The following NCK1 variants were observed in gnomAD, a reference collection of about 807,000 sequenced individuals.
The protein encoded by NCK1 is SH2/SH3 adapter protein NCK1.
NCK1 carries 19 observed loss-of-function variants against 36.6 expected under a neutral mutation model. The ratio of observed to expected loss-of-function variants is 0.52; its 90% confidence interval spans 0.36 to 0.76. NCK1 has a LOEUF of 0.76. Among genes scored for constraint, NCK1 ranks in the 30% least tolerant of loss-of-function variants. NCK1 has a pLI of 0.00. For synonymous variants in NCK1, 165 were observed against 156.0 expected (o/e 1.06, Z -0.43); for missense variants, 358 against 445.6 (o/e 0.80, Z 1.77).
intron 1 of NCK1, among the ~76,000 whole-genome samples, chr3:136,925,616 G>A (rs1470977706): frequency 5.9e-5 from 9 of 152,122 alleles, no homozygotes; most frequent in Admixed American, 5.9e-4. Flanking sequence ...GAGTCATATA[G>A]TTAACCTTTG....
intron 1 of NCK1, among the ~76,000 whole-genome samples, chr3:136,872,969 C>T (rs755356875): frequency 3.3e-5 from 5 of 152,192 alleles, no homozygotes; most frequent in South Asian, 2.1e-4. Flanking sequence ...GTAGAGCATT[C>T]GTGGAGAACC....
chr3:136,889,044 A>ATTTTTTTTTTTTT (rs58385753), intron 1 of NCK1: 2 of 91,196 alleles, frequency 2.2e-5, no homozygotes, highest in Admixed American at 1.6e-4. Context: ...TAATTTTTTG[A>ATTTTTTTTTTTTT]TTTTTTTTTT....
intron 1 of NCK1, among the ~76,000 whole-genome samples, chr3:136,879,006 A>G (rs1209230393): frequency 1.3e-5 from 2 of 152,204 alleles, no homozygotes; most frequent in Non-Finnish European, 2.9e-5. Flanking sequence ...TATTTACAAT[A>G]GCTTTTATGG....
At chr3:136,874,770 A>G (rs765583979) in intron 1 of NCK1, among the ~76,000 whole-genome samples, 1 of 151,086 alleles carries the variant, frequency 6.6e-6, no homozygotes, top group African/African-American at 2.4e-5. Flanking sequence ...ATCATACAAT[A>G]GATTCCTGTG....
At chr3:136,868,355 T>C (rs879792034) in intron 1 of NCK1, among the ~76,000 whole-genome samples, 9 of 151,706 alleles carry the variant, frequency 5.9e-5, no homozygotes, top group Non-Finnish European at 1.3e-4. Flanking sequence ...TGAGACGGAG[T>C]CCTGCTCTGT....
intron 2 of NCK1, among the ~76,000 whole-genome samples, chr3:136,939,752 T>C (rs1940620863): frequency 6.6e-6 from 1 of 152,026 alleles, no homozygotes; most frequent in Admixed American, 6.5e-5. Flanking sequence ...ATTTTCCAGT[T>C]TTCCTTTCTG....
chr3:136,883,554 A>G (rs528584945), intron 1 of NCK1, among the ~76,000 whole-genome samples: 1 of 152,192 alleles, frequency 6.6e-6, no homozygotes, highest in Non-Finnish European at 1.5e-5. Context: ...ATTTTTTGCA[A>G]CCTATAATTA....
intron 1 of NCK1, among the ~76,000 whole-genome samples, chr3:136,898,334 T>A (rs1939442503): frequency 6.7e-6 from 1 of 149,406 alleles, no homozygotes; most frequent in South Asian, 2.1e-4. Context: ...GAGGCGGAGG[T>A]TCCAGTGAGC....
chr3:136,900,306 G>A (rs1228400628), intron 1 of NCK1, among the ~76,000 whole-genome samples: 4 of 152,202 alleles, frequency 2.6e-5, no homozygotes, highest in Non-Finnish European at 5.9e-5. Context: ...CTATGTGTCT[G>A]TCTTATACCA....
At chr3:136,862,391 C>A (rs543648266) in intron 1 of NCK1, 38 bp downstream of exon 1, 3 of 152,732 alleles carry the variant, frequency 2.0e-5, no homozygotes, top group South Asian at 2.1e-4. Context: ...ACACACACAC[C>A]CCCCTTCAGT....
At chr3:136,896,523 C>CCAAT (rs753207597) in intron 1 of NCK1, among the ~76,000 whole-genome samples, 13 of 151,974 alleles carry the variant, frequency 8.6e-5, no homozygotes, top group Non-Finnish European at 1.5e-4. Flanking sequence ...CCACATATGT[C>CCAAT]CATTAATCTG....
Position 136,946,125 on chromosome 3 carries a change from T to G in NCK1, c.769T>G (p.Ser257Ala). 6.2e-7 allele frequency: 1 copy of G among 1,613,870 alleles called. No individual in the cohort carries two copies. The highest frequency in any genetic ancestry group is 8.5e-7 in the Non-Finnish European group (1 of 1,179,978). The change falls in exon 3 of 4, where the codon TCA becomes GCA. Residue 257 changes from serine (S) to alanine (A), a missense_variant. Coordinates refer to ENST00000481752, the MANE Select transcript of NCK1 (RefSeq NM_001291999.2). ...CGTTATGCAGAATAATCCATTAACT[T>G]CAGGTTTGGAACCATCACCTCCACA... ...VTVMQNNPLTSGLEPSPPQCD... is the reference protein window; with the variant it reads ...VTVMQNNPLTAGLEPSPPQCD...
intron 1 of NCK1, among the ~76,000 whole-genome samples, chr3:136,873,421 A>G (rs961891639): frequency 1.3e-5 from 2 of 152,198 alleles, no homozygotes; most frequent in Non-Finnish European, 2.9e-5. Context: ...TTATCTAGGA[A>G]GTAACTACCT....
At chr3:136,915,471 ATG>A (rs1250609205) in intron 1 of NCK1, among the ~76,000 whole-genome samples, 1 of 152,182 alleles carries the variant, frequency 6.6e-6, no homozygotes, top group Non-Finnish European at 1.5e-5. Context: ...TTAAGTAAGA[ATG>A]TACGGAGTGT....
chr3:136,935,553 A>G (rs765624417), intron 2 of NCK1, among the ~76,000 whole-genome samples: 1 of 152,144 alleles, frequency 6.6e-6, no homozygotes, highest in Non-Finnish European at 1.5e-5. Context: ...CGACTGAGGG[A>G]GAAACTGAAT....
chr3:136,876,371 T>G (rs1417405809), intron 1 of NCK1, among the ~76,000 whole-genome samples: 1 of 152,128 alleles, frequency 6.6e-6, no homozygotes, highest in Non-Finnish European at 1.5e-5. Flanking sequence ...AGGAGCTGGT[T>G]TTTTGAAAGG....
chr3:136,912,818 A>G (rs1418988913), intron 1 of NCK1, among the ~76,000 whole-genome samples: 1 of 150,694 alleles, frequency 6.6e-6, no homozygotes, highest in Non-Finnish European at 1.5e-5. Context: ...TGCTTGGCTA[A>G]TTTTTAAATT....
At chr3:136,866,238 C>G (rs1364965357) in intron 1 of NCK1, among the ~76,000 whole-genome samples, 2 of 152,048 alleles carry the variant, frequency 1.3e-5, no homozygotes, top group Non-Finnish European at 2.9e-5. Context: ...CCACTCTAAC[C>G]AAACCAATCT....
chr3:136,919,309 T>C (rs1424059325), intron 1 of NCK1, among the ~76,000 whole-genome samples: 1 of 152,162 alleles, frequency 6.6e-6, no homozygotes, highest in Non-Finnish European at 1.5e-5. Context: ...GTTTGTCAAA[T>C]TTTATTCACA....
Sources: allele counts gnomAD v4.1 joint callset (sites outside exome capture counted in the v4.1 genomes callset), GRCh38; gene constraint gnomAD v4.1.1; transcripts MANE v1.5; gene names NCBI Gene and HGNC (gene_info 2026-07-23, HGNC 2026-07-21).